The following YTHDC1 variants were observed in gnomAD, a reference collection of about 807,000 sequenced individuals.
The protein encoded by YTHDC1 is YTH N6-methyladenosine RNA binding protein C1.
A neutral mutation model predicts 107.0 loss-of-function variants in YTHDC1; 12 were observed. The ratio of observed to expected loss-of-function variants is 0.11; its 90% CI spans 0.07 to 0.18. The LOEUF is 0.18. Ranked by LOEUF, YTHDC1 falls within the 10% of genes least tolerant of loss-of-function variation. The probability of loss-of-function intolerance (pLI) is 1.00; values close to 1 mark genes in which losing one functional copy is unlikely to be tolerated. For synonymous variants in YTHDC1, 280 were observed against 289.5 expected (o/e 0.97, Z 0.33); for missense variants, 635 against 898.8 (o/e 0.71, Z 3.75).
intron 9 of YTHDC1, among the ~76,000 whole-genome samples, chr4:68,329,789 CCAATT>C (rs1287575510): frequency 1.3e-5 from 2 of 152,144 alleles, no homozygotes; most frequent in Non-Finnish European, 2.9e-5. Context: ...AAGCAACTGT[CCAATT>C]CATTTACTGC....
intron 9 of YTHDC1, among the ~76,000 whole-genome samples, chr4:68,326,861 G>C (rs1422940787): frequency 1.3e-5 from 2 of 151,840 alleles, no homozygotes; most frequent in South Asian, 4.2e-4. Context: ...AAAGTGCTGG[G>C]ATTACAGGCA....
intron 16 of YTHDC1, among the ~76,000 whole-genome samples, chr4:68,315,635 A>G (rs1259627431): frequency 6.6e-6 from 1 of 152,210 alleles, no homozygotes; most frequent in Non-Finnish European, 1.5e-5. Flanking sequence ...GGGGTGGGGA[A>G]GCATTTAATA....
chr4:68,316,477 A>C, intron 15 of YTHDC1, 29 bp from the exon 16 acceptor site: 1 of 1,606,022 alleles, frequency 6.2e-7, no homozygotes, highest in Non-Finnish European at 8.5e-7. Flanking sequence ...TTACATTAAG[A>C]ATCTACCAAC....
intron 15 of YTHDC1, among the ~76,000 whole-genome samples, chr4:68,316,717 T>A (rs1264799219): frequency 2.6e-5 from 4 of 152,222 alleles, no homozygotes; most frequent in African/African-American, 9.6e-5. Flanking sequence ...GAGCCAGGCA[T>A]TGTTCTAAGC....
At position 68,349,923 on chromosome 4, in the gene YTHDC1, T is replaced by C; in HGVS notation, c.-170A>G. 1.2e-6 allele frequency: 1 copy of C among 854,032 alleles called. No individual in the cohort carries two copies. The highest frequency in any genetic ancestry group is 2.7e-5 in the East Asian group (1 of 37,366). The allele number at this position is 854,032 out of a possible 1,614,324, so 52.9% of individuals were successfully genotyped here. On this transcript the variant is annotated 5_prime_UTR_variant, in exon 1 of 17. Coordinates refer to ENST00000344157, the MANE Select transcript of YTHDC1 (RefSeq NM_001031732.4). ...AGCCTTCTCGACTCTTCCCGCTTTT[T>C]CCCTTTCTCCCTTCCTTTCACTCCA...
intron 1 of YTHDC1, among the ~76,000 whole-genome samples, chr4:68,340,770 T>C (rs977067143): frequency 6.6e-6 from 1 of 152,198 alleles, no homozygotes; most frequent in Non-Finnish European, 1.5e-5. Context: ...CACTAGATCT[T>C]ATTCAGAAAT....
Position 68,333,338 on chromosome 4 carries a change from T to C in YTHDC1, c.943A>G (p.Ser315Gly). The stretch of plus-strand genomic sequence containing the variant: ...TATGACTCTGATGCAGAGCTTCCAC[T>C]TCTATCAAAAACAATTGGAGATATG... Reference protein sequence around the residue: ...RGISPIVFDRSGSSASESYAG... With the variant: ...RGISPIVFDRGGSSASESYAG... Residue 315 changes from serine (S) to glycine (G), a missense_variant, in exon 5 of 17, where the codon AGT becomes GGT. Physicochemically the swap from Ser to Gly is moderately conservative, Grantham distance 56. Around this residue, in one of 5 missense-constraint regions of YTHDC1, gnomAD observed 60 missense variants for 172.0 expected, o/e 0.35. Coordinates refer to ENST00000344157, the MANE Select transcript of YTHDC1 (RefSeq NM_001031732.4). 1 of 1,613,064 alleles carries C rather than the reference T, an allele frequency of 6.2e-7. No individual in the cohort carries two copies. The highest frequency in any genetic ancestry group is 2.2e-5 in the East Asian group (1 of 44,822).
chr4:68,345,373 A>G (rs943753749), intron 1 of YTHDC1, among the ~76,000 whole-genome samples: 1 of 152,150 alleles, frequency 6.6e-6, no homozygotes, highest in Non-Finnish European at 1.5e-5. Flanking sequence ...TATACTACAC[A>G]TTTTGTTTTC....
intron 12 of YTHDC1, 136 bp from the exon 13 acceptor site, chr4:68,318,998 C>A: frequency 1.1e-6 from 1 of 873,000 alleles, no homozygotes; most frequent in Non-Finnish European, 1.8e-6. Context: ...ACTGTATTAT[C>A]CCATTTTCAA....
At chr4:68,324,070 A>G (rs1461315747) in intron 10 of YTHDC1, 69 bp downstream of exon 10, 45 of 1,364,884 alleles carry the variant, frequency 3.3e-5, no homozygotes, top group Non-Finnish European at 4.6e-5. Context: ...TAAAACGAAT[A>G]CATCAATAAA....
chr4:68,335,611 G>C (rs1342460118), intron 4 of YTHDC1, among the ~76,000 whole-genome samples: 4 of 151,830 alleles, frequency 2.6e-5, no homozygotes, highest in Non-Finnish European at 4.4e-5. Context: ...TAAAGTCTAA[G>C]AAATAACAGA....
chr4:68,333,699 A>G (rs1001018962), intron 4 of YTHDC1, among the ~76,000 whole-genome samples: 2 of 152,104 alleles, frequency 1.3e-5, no homozygotes, highest in East Asian at 1.9e-4. Context: ...CGGGGGGGGA[A>G]ATTTGCAAAG....
chr4:68,320,255 CA>C, intron 11 of YTHDC1, 50 bp from the exon 12 acceptor site: 1 of 1,385,964 alleles, frequency 7.2e-7, no homozygotes, highest in Non-Finnish European at 1.0e-6. Context: ...GCTGGGAGAA[CA>C]AAGAGTAAAG....
At chr4:68,327,363 T>G (rs1723108709) in intron 9 of YTHDC1, among the ~76,000 whole-genome samples, 1 of 152,218 alleles carries the variant, frequency 6.6e-6, no homozygotes. Context: ...ATTTCATAGA[T>G]CATGCCTTAT....
intron 4 of YTHDC1, among the ~76,000 whole-genome samples, chr4:68,336,675 G>A (rs1398034015): frequency 6.6e-6 from 1 of 152,106 alleles, no homozygotes; most frequent in African/African-American, 2.4e-5. Context: ...CCAGTGGACA[G>A]GTTTCCTATG....
chr4:68,315,227 CTAATT>C (rs1317279148), intron 16 of YTHDC1, among the ~76,000 whole-genome samples: 1 of 152,122 alleles, frequency 6.6e-6, no homozygotes, highest in African/African-American at 2.4e-5. Flanking sequence ...AAATAAACTA[CTAATT>C]TAAAGTTTGT....
intron 4 of YTHDC1, 122 bp downstream of exon 4, chr4:68,336,905 G>C (rs1724226800): frequency 3.1e-6 from 4 of 1,306,818 alleles, no homozygotes; most frequent in South Asian, 3.2e-5. Context: ...GCATATAAAG[G>C]ATCACAAGAC....
intron 5 of YTHDC1, 62 bp from the exon 6 acceptor site, chr4:68,332,909 T>C (rs1322629786): frequency 1.4e-6 from 2 of 1,409,106 alleles, no homozygotes; most frequent in Non-Finnish European, 2.0e-6. Flanking sequence ...ACAAAATTTC[T>C]ACAGTCTTGT....
At chr4:68,320,929 T>C (rs1271208088) in intron 11 of YTHDC1, among the ~76,000 whole-genome samples, 1 of 152,102 alleles carries the variant, frequency 6.6e-6, no homozygotes, top group Non-Finnish European at 1.5e-5. Context: ...CTTTTATAAA[T>C]TGGCAAGTAA....
Sources: gnomAD v4.1 joint callset for allele counts (sites outside exome capture counted in the v4.1 genomes callset) on GRCh38, gnomAD v4.1.1 for gene constraint, gnomAD v4.1.1 regional missense constraint, MANE v1.5 for transcripts, NCBI Gene and HGNC (gene_info 2026-07-23, HGNC 2026-07-21) for gene names.